PRKAA2: variants seen among roughly 807,000 people sequenced by gnomAD.
PRKAA2 encodes protein kinase AMP-activated catalytic subunit alpha 2, also known as 5'-AMP-activated protein kinase catalytic subunit alpha-2.
In PRKAA2, 40 loss-of-function variants were observed where a neutral mutation model predicts 56.3. That is an observed-to-expected ratio of 0.71 (90% CI 0.55 to 0.92). The LOEUF (loss-of-function observed/expected upper bound fraction) is 0.92, where lower values mean the gene tolerates loss of function less well. Ranked by LOEUF, PRKAA2 falls within the 40% of genes least tolerant of loss-of-function variation. The pLI, the probability that PRKAA2 is intolerant of heterozygous loss-of-function variation, is 0.00. For synonymous variants in PRKAA2, 214 were observed against 234.2 expected, an observed-to-expected ratio of 0.91 and a Z score of 0.79; for missense variants, 542 against 686.9, an observed-to-expected ratio of 0.79 and a Z score of 2.36.
chr1:56,699,086 C>G (rs1288055970), intron 6 of PRKAA2, among the ~76,000 whole-genome samples: 1 of 152,070 alleles, frequency 6.6e-6, no homozygotes, highest in African/African-American at 2.4e-5. Context: ...TAGATCAAAC[C>G]TTGTGAAATT....
At chr1:56,657,234 A>G (rs1466508679) in intron 1 of PRKAA2, among the ~76,000 whole-genome samples, 1 of 152,192 alleles carries the variant, frequency 6.6e-6, no homozygotes, top group Non-Finnish European at 1.5e-5. Context: ...AAAGAAGTGT[A>G]TTATCTTCAA....
intron 2 of PRKAA2, among the ~76,000 whole-genome samples, chr1:56,690,890 A>G (rs1644224962): frequency 6.6e-6 from 1 of 152,174 alleles, no homozygotes; most frequent in Admixed American, 6.5e-5. Context: ...AATCATGTTG[A>G]AGATCAGTTA....
chr1:56,657,490 AC>A (rs1643955319), intron 1 of PRKAA2, among the ~76,000 whole-genome samples: 1 of 152,198 alleles, frequency 6.6e-6, no homozygotes, highest in African/African-American at 2.4e-5. Context: ...AGCCTGGCCA[AC>A]ATGGTGAAAC....
At chr1:56,672,647 GA>G (rs1644085931) in intron 1 of PRKAA2, among the ~76,000 whole-genome samples, 1 of 152,118 alleles carries the variant, frequency 6.6e-6, no homozygotes, top group African/African-American at 2.4e-5. Context: ...GAGTTAGTAG[GA>G]GAAACAGGAG....
At chr1:56,680,281 T>C (rs1158348775) in intron 2 of PRKAA2, among the ~76,000 whole-genome samples, 3 of 152,184 alleles carry the variant, frequency 2.0e-5, no homozygotes, top group Non-Finnish European at 4.4e-5. Flanking sequence ...TGTGTTGTAA[T>C]TGCACATTTT....
chr1:56,707,878 A>G lies in PRKAA2; in HGVS notation c.*165A>G. ...AATTACTGAAAACAAAATATCTGACATCTTATTTACTTGTAGAAATCTGTA... is the reference window on the plus strand; with the variant it reads ...AATTACTGAAAACAAAATATCTGACGTCTTATTTACTTGTAGAAATCTGTA... On this transcript the variant is annotated 3_prime_UTR_variant, in exon 9 of 9. Coordinates refer to ENST00000371244, the MANE Select transcript of PRKAA2 (RefSeq NM_006252.4). The G allele has an allele frequency of 4.5e-6, 3 of 668,746 alleles. No individual in the cohort carries two copies. The highest frequency in any genetic ancestry group is 5.0e-6 in the Non-Finnish European group (2 of 399,114). The allele number at this position is 668,746 out of a possible 1,614,324, so 41.4% of individuals were successfully genotyped here. A position where few individuals can be genotyped will look rare whatever the true frequency, so the allele number is the denominator to read the frequency against.
chr1:56,706,491 G>T (rs1644333240), intron 8 of PRKAA2, among the ~76,000 whole-genome samples: 2 of 152,102 alleles, frequency 1.3e-5, no homozygotes, highest in Admixed American at 6.5e-5. Flanking sequence ...CAGGGAAGCA[G>T]GTTTTACTTT....
At chr1:56,700,748 A>G (rs1340297730) in intron 6 of PRKAA2, among the ~76,000 whole-genome samples, 7 of 152,162 alleles carry the variant, frequency 4.6e-5, no homozygotes, top group Admixed American at 2.6e-4. Flanking sequence ...GAACTGCTAG[A>G]CATGTAAAAT....
intron 7 of PRKAA2, among the ~76,000 whole-genome samples, chr1:56,705,745 C>T (rs908254586): frequency 1.3e-5 from 2 of 152,180 alleles, no homozygotes; most frequent in Non-Finnish European, 2.9e-5. Context: ...CATGTTCAGG[C>T]AGAGACTGGA....
At chr1:56,680,357 A>G (rs1043096357) in intron 2 of PRKAA2, among the ~76,000 whole-genome samples, 1 of 151,852 alleles carries the variant, frequency 6.6e-6, no homozygotes, top group Non-Finnish European at 1.5e-5. Flanking sequence ...TTTTTAATTC[A>G]AAAAAATTTT....
At chr1:56,691,759 C>T (rs1644229763) in intron 3 of PRKAA2, among the ~76,000 whole-genome samples, 1 of 152,014 alleles carries the variant, frequency 6.6e-6, no homozygotes, top group Non-Finnish European at 1.5e-5. Context: ...CAGTTATTTC[C>T]TTTTCTTAGC....
intron 5 of PRKAA2, among the ~76,000 whole-genome samples, chr1:56,695,181 AT>A (rs1427436427): frequency 8.2e-5 from 9 of 109,258 alleles, no homozygotes; most frequent in Non-Finnish European, 1.5e-4. Flanking sequence ...TATATGATAT[AT>A]TATATATATA....
chr1:56,671,849 T>C (rs965978162), intron 1 of PRKAA2, among the ~76,000 whole-genome samples: 3 of 152,190 alleles, frequency 2.0e-5, no homozygotes, highest in African/African-American at 7.2e-5. Flanking sequence ...AGGGTAATAA[T>C]ACTTCATAGA....
rs562663940 is a variant in PRKAA2 at position 56,651,690 on chromosome 1, T to A, written c.94+6209T>A. ...ATAACGTTTTTTGAAATGCCATATA[T>A]AGATGATTAAAATTTATATTTTTAC... On this transcript the variant is annotated intron_variant, in intron 1 of 8. Coordinates refer to ENST00000371244, the MANE Select transcript of PRKAA2 (RefSeq NM_006252.4). Among the ~76,000 whole-genome samples, 7 of 152,306 alleles carry A rather than the reference T, an allele frequency of 4.6e-5. No individual in the cohort carries two copies. In the South Asian group the frequency reaches 1.5e-3, roughly 32 times the overall value.
At chr1:56,685,329 T>C (rs1334200708) in intron 2 of PRKAA2, among the ~76,000 whole-genome samples, 1 of 4,598 alleles carries the variant, frequency 2.2e-4, no homozygotes, top group Admixed American at 2.5e-3. Context: ...GAGAAGGAGT[T>C]AGTAAAAGAT....
chr1:56,692,791 GTTTTTTTT>G (rs201416995), intron 4 of PRKAA2, among the ~76,000 whole-genome samples: 2 of 135,478 alleles, frequency 1.5e-5, no homozygotes, highest in East Asian at 2.2e-4. Context: ...CTGTTTTTTT[GTTTTTTTT>G]TTTTTTGAAG....
At chr1:56,649,260 A>G (rs1646668269) in intron 1 of PRKAA2, among the ~76,000 whole-genome samples, 1 of 152,198 alleles carries the variant, frequency 6.6e-6, no homozygotes, top group South Asian at 2.1e-4. Flanking sequence ...TGTAAGGTTA[A>G]CTTTTTCCAT....
chr1:56,687,043 C>T (rs780849999), intron 2 of PRKAA2, among the ~76,000 whole-genome samples: 8 of 152,024 alleles, frequency 5.3e-5, no homozygotes, highest in Non-Finnish European at 1.0e-4. Context: ...TGCCACCACG[C>T]CTGGCTAATT....
intron 1 of PRKAA2, among the ~76,000 whole-genome samples, chr1:56,651,343 G>C (rs1643896325): frequency 6.6e-6 from 1 of 152,168 alleles, no homozygotes; most frequent in Admixed American, 6.5e-5. Flanking sequence ...TCTAATCACT[G>C]TATGATATAT....
Sources: allele counts gnomAD v4.1 joint callset (sites outside exome capture counted in the v4.1 genomes callset), GRCh38; gene constraint gnomAD v4.1.1; transcripts MANE v1.5; gene names NCBI Gene and HGNC (gene_info 2026-07-23, HGNC 2026-07-21).